LMF1: variants seen among roughly 807,000 people sequenced by gnomAD.
LMF1 encodes the protein lipase maturation factor 1.
Under a neutral mutation model 60.6 loss-of-function variants are expected in LMF1, and 68 were observed. That is an observed-to-expected ratio of 1.12 (90% CI 0.92 to 1.37). LMF1 has a LOEUF of 1.37. Ranked by LOEUF, LMF1 falls within the 40% of genes most tolerant of loss-of-function variation. LMF1 has a pLI of 0.00. For synonymous variants in LMF1, 418 were observed against 324.7 expected (o/e 1.29, Z -3.09); for missense variants, 948 against 767.2 (o/e 1.24, Z -2.78).
chr16:971,729 G>A (rs75159552), upstream of LMF1, among the ~76,000 whole-genome samples: 1,832 of 152,298 alleles, frequency 0.012, 26 homozygotes, highest in South Asian at 0.098. Context: ...GATGTGAAGC[G>A]GGTGCTAGGA....
At chr16:934,509 A>T in intron 2 of LMF1, 1 of 519,054 alleles carries the variant, frequency 1.9e-6, no homozygotes, top group Middle Eastern at 3.5e-4. Flanking sequence ...GAAATAAAAA[A>T]ATATGTATTT....
At chr16:959,565 T>A (rs892217030) in intron 1 of LMF1, among the ~76,000 whole-genome samples, 1 of 152,138 alleles carries the variant, frequency 6.6e-6, no homozygotes, top group Non-Finnish European at 1.5e-5. Context: ...GGGATGCAGA[T>A]AGAATACAGG....
rs1455040792 is a variant in LMF1, at chr16:853,649, G to T, written c.*883C>A. 4 of 450,550 alleles carry T rather than the reference G, an allele frequency of 8.9e-6. No homozygotes were observed. The highest frequency in any genetic ancestry group is 1.8e-5 in the Non-Finnish European group (4 of 223,676). 27.9% of individuals were successfully genotyped at this position (450,550 alleles called of 1,614,324 possible). ...AAACAGTGTGTTTTCGAGTAAGCTGGTAAGTGGTATAATAGGAATAGTAGA... is the reference window on the plus strand; with the variant it reads ...AAACAGTGTGTTTTCGAGTAAGCTGTTAAGTGGTATAATAGGAATAGTAGA... On this transcript the variant is annotated 3_prime_UTR_variant, in exon 11 of 11. Coordinates refer to ENST00000262301, the MANE Select transcript of LMF1 (RefSeq NM_022773.4).
chr16:869,545 C>T (rs1056150386), intron 9 of LMF1: 13 of 581,456 alleles, frequency 2.2e-5, no homozygotes, highest in African/African-American at 1.1e-4. Flanking sequence ...CCTCCTCCTG[C>T]GTAGCTGAAA....
At chr16:859,523 G>A (rs1167691249) in intron 10 of LMF1, among the ~76,000 whole-genome samples, 4 of 71,968 alleles carry the variant, frequency 5.6e-5, no homozygotes, top group Non-Finnish European at 1.0e-4. Context: ...GTCACGGGAC[G>A]GGTGTGAGTG....
At chr16:956,271 G>C (rs1423508195) in intron 1 of LMF1, among the ~76,000 whole-genome samples, 2 of 151,508 alleles carry the variant, frequency 1.3e-5, no homozygotes, top group Non-Finnish European at 2.9e-5. Context: ...CCGAGTTCAT[G>C]TCCCACGGCG....
chr16:947,397 T>C (rs768676110), intron 2 of LMF1: 1 of 440,458 alleles, frequency 2.3e-6, no homozygotes, highest in Non-Finnish European at 4.6e-6. Context: ...GGAACCTCCT[T>C]ACATTGAAGT....
intron 2 of LMF1, among the ~76,000 whole-genome samples, chr16:935,915 G>A (rs558555962): frequency 1.3e-5 from 2 of 152,330 alleles, no homozygotes; most frequent in Admixed American, 6.5e-5. Context: ...AGGTGGGCGG[G>A]GACAGAGTAC....
intron 5 of LMF1, chr16:884,914 G>C (rs918622391): frequency 2.0e-5 from 3 of 151,320 alleles, no homozygotes; most frequent in African/African-American, 7.3e-5. Context: ...CCACGCAGGA[G>C]TGAAGAGCTC....
chr16:937,355 T>C (rs2071975443), intron 2 of LMF1, among the ~76,000 whole-genome samples: 1 of 152,238 alleles, frequency 6.6e-6, no homozygotes, highest in South Asian at 2.1e-4. Flanking sequence ...TCAAGTCCTT[T>C]CCTGGACAGT....
intron 2 of LMF1, among the ~76,000 whole-genome samples, chr16:936,781 T>G (rs1228109883): frequency 6.6e-6 from 1 of 152,230 alleles, no homozygotes; most frequent in African/African-American, 2.4e-5. Flanking sequence ...AGGAGCTGAT[T>G]TTTCAAATCC....
rs56358688 is a variant in LMF1 at position 878,747 on chromosome 16, G to GGGGCAGGGGC, written c.897+813_897+822dup. On this transcript the variant is annotated intron_variant, in intron 6 of 10. Transcript: ENST00000262301. This position sits in a 1 kb window ranked among gnomAD's most constrained non-coding sequence, Gnocchi z 5.2. ...GGGTGGGCAGGGCAGGGGAAGGGCG[G>GGGGCAGGGGC]GGGCAGGGGCGGGCAGGGCAGGGGA... is the stretch of plus-strand genomic sequence containing the variant. Among the ~76,000 whole-genome samples, 29,573 of 142,514 alleles carry GGGGCAGGGGC rather than the reference G, an allele frequency of 0.21. 3,962 individuals are homozygous for GGGGCAGGGGC. The highest frequency in any genetic ancestry group is 0.39 in the East Asian group (1,783 of 4,570). The allele number at this position is 142,514 out of a possible 152,430, so 93.5% of individuals were successfully genotyped here.
At chr16:969,166 T>C (rs1198635571) in intron 1 of LMF1, among the ~76,000 whole-genome samples, 1 of 152,026 alleles carries the variant, frequency 6.6e-6, no homozygotes, top group East Asian at 1.9e-4. Flanking sequence ...TTTTTAAAAA[T>C]TAGTCAGGCA....
chr16:958,909 C>CAAA (rs34918785), intron 1 of LMF1, among the ~76,000 whole-genome samples: 2 of 150,496 alleles, frequency 1.3e-5, no homozygotes, highest in Admixed American at 1.3e-4. Flanking sequence ...AAAAACAAAA[C>CAAA]AAAAAAAACA....
chr16:909,420 C>T (rs138914702), intron 4 of LMF1, among the ~76,000 whole-genome samples: 159 of 152,332 alleles, frequency 1.0e-3, no homozygotes, highest in African/African-American at 3.7e-3. Flanking sequence ...CTAAACACTA[C>T]ACCAAGCCAC....
rs1230523425 is a variant in LMF1, at chr16:954,536, G to A, written c.324C>T (p.Ser108=). The A allele has an allele frequency of 3.1e-6, 5 of 1,613,176 alleles. No individual in the cohort carries two copies. The highest frequency in any genetic ancestry group is 1.7e-4 in the Middle Eastern group (1 of 6,060). ...TCAGCCAGAGGATGGTGGGCATGTA[G>A]CTGAAGACTTCCCAGCTCGTCCTGT... ...FQDRTSWEVF[S]YMPTILWLMD... The change falls in exon 2 of 11, where the codon AGC becomes AGT. Residue 108 remains serine (S), a synonymous_variant. Coordinates refer to ENST00000262301, the MANE Select transcript of LMF1 (RefSeq NM_022773.4).
chr16:860,029 A>T (rs74001080), intron 10 of LMF1, among the ~76,000 whole-genome samples: 15,861 of 148,778 alleles, frequency 0.11, 2,696 homozygotes, highest in African/African-American at 0.37. Flanking sequence ...ATTTCTCCTG[A>T]GCTTATCTGT....
At chr16:970,996 A>T, upstream of LMF1, 3 of 1,417,324 alleles carry the variant, frequency 2.1e-6, 1 homozygote, top group South Asian at 3.2e-5. Flanking sequence ...GGGAGGGCGC[A>T]CTCCCGGAGG....
At chr16:942,809 C>T (rs560377399) in intron 2 of LMF1, among the ~76,000 whole-genome samples, 3 of 152,004 alleles carry the variant, frequency 2.0e-5, no homozygotes, top group Admixed American at 2.0e-4. Context: ...GTGCTATATG[C>T]CCCATTCTGT....
Sources: gnomAD v4.1 joint callset for allele counts (sites outside exome capture counted in the v4.1 genomes callset) on GRCh38, gnomAD v4.1.1 for gene constraint, Gnocchi (gnomAD v3.1) non-coding constraint, MANE v1.5 for transcripts, NCBI Gene and HGNC (gene_info 2026-07-23, HGNC 2026-07-21) for gene names.